SOX30: variants seen among roughly 807,000 people sequenced by gnomAD.
SOX30 encodes transcription factor SOX-30.
SOX30 carries 17 observed loss-of-function variants against 58.6 expected under a neutral mutation model. The observed-to-expected ratio is 0.29, with a 90% CI of 0.20 to 0.44. SOX30 has a LOEUF of 0.44. SOX30 is among the 20% of genes least tolerant of loss of function. SOX30 has a pLI of 1.00. For missense variants in SOX30, 951 were observed against 965.8 expected (o/e 0.98, Z 0.20); for synonymous variants, 421 against 400.2 (o/e 1.05, Z -0.62).
At chr5:157,669,797 G>C (rs553498003) in intron 1 of SOX30, among the ~76,000 whole-genome samples, 1 of 152,146 alleles carries the variant, frequency 6.6e-6, no homozygotes, top group Admixed American at 6.6e-5. Flanking sequence ...GGGATTACAG[G>C]CATGAGCCAC....
intron 4 of SOX30, among the ~76,000 whole-genome samples, chr5:157,630,191 G>A (rs11949045): frequency 0.095 from 14,416 of 152,134 alleles, 1,872 homozygotes; most frequent in African/African-American, 0.29. Flanking sequence ...GTGAAACACT[G>A]TTCTCCTGGT....
At position 157,651,848 on chromosome 5, in the gene SOX30, C is replaced by A; in HGVS notation, c.231G>T (p.Gln77His). Residue 77 changes from glutamine to histidine, a missense_variant, in exon 1 of 5, where the codon CAG becomes CAT. By Grantham distance (24) the Gln-to-His change is conservative. This residue lies in a region of SOX30 where 363 missense variants were observed against 294.5 expected (regional missense o/e 1.23). Coordinates refer to ENST00000265007, the MANE Select transcript of SOX30 (RefSeq NM_178424.2). ...VRRLLQVKPEQVLLLPQPQAQ... is the reference protein window; with the variant it reads ...VRRLLQVKPEHVLLLPQPQAQ... ...CCTGAGGCTGTGGTAGCAGCAACAC[C>A]TGCTCTGGCTTCACCTGCAGCAGCC... is the stretch of plus-strand genomic sequence containing the variant. The A allele has an allele frequency of 1.3e-6, 2 of 1,581,718 alleles. No homozygotes were observed. Among genetic ancestry groups the A allele is most frequent in the African/African-American group, 1.3e-5 (1 of 74,550 alleles).
Position 157,651,377 on chromosome 5 carries a change from G to A in SOX30, c.702C>T (p.Gly234=), listed in dbSNP as rs376465479. 6.2e-7 allele frequency: 1 copy of A among 1,613,548 alleles called. No individual in the cohort carries two copies. The highest frequency in any genetic ancestry group is 1.7e-5 in the Admixed American group (1 of 60,018). ...CRLGAEPASN[G]LVHGSAEVIL... ...TGACCTCCGCGCTGCCATGAACCAG[G>A]CCATTGGACGCGGGCTCCGCGCCGA... The change falls in exon 1 of 5, where the codon GGC becomes GGT. Residue 234 remains glycine, a synonymous_variant. Coordinates refer to ENST00000265007, the MANE Select transcript of SOX30 (RefSeq NM_178424.2).
At position 157,626,628 on chromosome 5, in the gene SOX30, T is replaced by C; in HGVS notation, c.1974A>G (p.Lys658=). ...CLSYYEDRYP[K]HEGIFSTLNR... ...TTAAAGTTGAAAAGATACCCTCATGTTTTGGGTACCTGTCTTCATAATAAC... is the reference window on the plus strand; with the variant it reads ...TTAAAGTTGAAAAGATACCCTCATGCTTTGGGTACCTGTCTTCATAATAAC... The change falls in exon 5 of 5, where the codon AAA becomes AAG. Residue 658 remains lysine, a synonymous_variant. Transcript: ENST00000265007. 1 of 1,614,078 alleles carries C rather than the reference T, an allele frequency of 6.2e-7. No homozygotes were observed. The highest frequency in any genetic ancestry group is 8.5e-7 in the Non-Finnish European group (1 of 1,179,972).
chr5:157,638,210 G>GAA lies in SOX30; in HGVS notation c.1880+18_1880+19dup. ...CATTAGCTGAATGTTTAGGTAAAAG[G>GAA]AAAAAAAATGTTAATTTACCTTGAT... On this transcript the variant is annotated intron_variant, in intron 4 of 4. Coordinates refer to ENST00000265007, the MANE Select transcript of SOX30 (RefSeq NM_178424.2). 1 of 1,506,608 alleles carries GAA rather than the reference G, an allele frequency of 6.6e-7. No individual in the cohort carries two copies. Among genetic ancestry groups the GAA allele is most frequent in the Non-Finnish European group, 8.9e-7 (1 of 1,127,384 alleles). 93.3% of individuals were successfully genotyped at this position (1,506,608 alleles called of 1,614,324 possible). A position where few individuals can be genotyped will look rare whatever the true frequency, so the allele number is the denominator to read the frequency against.
chr5:157,632,322 G>C (rs1225368630), intron 4 of SOX30, among the ~76,000 whole-genome samples: 1 of 152,174 alleles, frequency 6.6e-6, no homozygotes, highest in African/African-American at 2.4e-5. Flanking sequence ...ATACTCAAGA[G>C]GGACCCTACA....
At chr5:157,659,041 A>G (rs1469548168) in intron 2 of SOX30, among the ~76,000 whole-genome samples, 2 of 152,230 alleles carry the variant, frequency 1.3e-5, no homozygotes, top group East Asian at 1.9e-4. Flanking sequence ...CCATGGCAAC[A>G]TCAGGACATT....
intron 2 of SOX30, among the ~76,000 whole-genome samples, chr5:157,665,393 A>G (rs1287504907): frequency 6.6e-6 from 1 of 152,166 alleles, no homozygotes; most frequent in African/African-American, 2.4e-5. Flanking sequence ...GTGGGAATTG[A>G]ATAATGAGAA....
chr5:157,649,752 G>A (rs941236098), intron 1 of SOX30, among the ~76,000 whole-genome samples: 15 of 152,050 alleles, frequency 9.9e-5, no homozygotes, highest in African/African-American at 2.9e-4. Flanking sequence ...ATCACGCCAC[G>A]GTACTCCAGA....
At chr5:157,650,071 T>C (rs1339828510) in intron 1 of SOX30, among the ~76,000 whole-genome samples, 1 of 152,198 alleles carries the variant, frequency 6.6e-6, no homozygotes, top group Non-Finnish European at 1.5e-5. Flanking sequence ...ACAGAGCCAG[T>C]TGAAATTTCA....
chr5:157,632,047 T>TAAAAAAAAAAAAA (rs570172679), intron 4 of SOX30, among the ~76,000 whole-genome samples: 841 of 56,398 alleles, frequency 0.015, 68 homozygotes, highest in African/African-American at 0.03. Context: ...ACCCCGTAAC[T>TAAAAAAAAAAAAA]AAAAAAAAAA....
chr5:157,671,024 T>C (rs545567379), intron 1 of SOX30, among the ~76,000 whole-genome samples: 1 of 152,276 alleles, frequency 6.6e-6, no homozygotes, highest in East Asian at 1.9e-4. Flanking sequence ...CTTCGCCTGC[T>C]CGGTGTCAAG....
intron 4 of SOX30, among the ~76,000 whole-genome samples, chr5:157,635,852 TATGA>T: frequency 6.6e-6 from 1 of 152,194 alleles, no homozygotes; most frequent in South Asian, 2.1e-4. Context: ...ATTTTTTCCA[TATGA>T]TTCTCTGCTA....
At chr5:157,668,479 T>G (rs1759709692) in intron 1 of SOX30, among the ~76,000 whole-genome samples, 1 of 152,042 alleles carries the variant, frequency 6.6e-6, no homozygotes, top group Non-Finnish European at 1.5e-5. Context: ...ATCTGTCTCA[T>G]CCATCCATCC....
intron 4 of SOX30, among the ~76,000 whole-genome samples, chr5:157,627,311 C>T (rs895509126): frequency 2.6e-5 from 4 of 151,976 alleles, no homozygotes; most frequent in Non-Finnish European, 2.9e-5. Flanking sequence ...TGCAGTGAGC[C>T]GAGACTGCGC....
intron 4 of SOX30, among the ~76,000 whole-genome samples, chr5:157,629,688 G>A (rs1185087122): frequency 6.6e-6 from 1 of 152,200 alleles, no homozygotes; most frequent in African/African-American, 2.4e-5. Flanking sequence ...TGGCCAAGGA[G>A]TGTATATGTT....
chr5:157,662,357 G>T (rs1281348881), intron 2 of SOX30, among the ~76,000 whole-genome samples: 2 of 151,984 alleles, frequency 1.3e-5, no homozygotes, highest in African/African-American at 4.8e-5. Context: ...GATTTCTGCT[G>T]TGGTCTTTAG....
intron 3 of SOX30, among the ~76,000 whole-genome samples, chr5:157,640,583 A>C (rs1038491664): frequency 1.3e-5 from 2 of 152,252 alleles, no homozygotes; most frequent in East Asian, 3.9e-4. Context: ...TGAAAAAACT[A>C]AGATAAGCAG....
At position 157,652,314 on chromosome 5, in the gene SOX30, C is replaced by T. The variant is rs1759377997; in HGVS notation, c.-236G>A. 7.4e-6 allele frequency: 9 copies of T among 1,221,458 alleles called. No homozygotes were observed. The South Asian group carries it at 2.9e-4, about 39-fold the overall frequency. 75.7% of individuals were successfully genotyped at this position (1,221,458 alleles called of 1,614,324 possible). A position where few individuals can be genotyped will look rare whatever the true frequency, so the allele number is the denominator to read the frequency against. ...TCCCTACTCTCGCCTCGTGCTGAGTCCTCGAATCACCTGCCATGGTAGGAG... is the reference window on the plus strand; with the variant it reads ...TCCCTACTCTCGCCTCGTGCTGAGTTCTCGAATCACCTGCCATGGTAGGAG... On this transcript the variant is annotated 5_prime_UTR_variant, in exon 1 of 5. Transcript: ENST00000265007.
Sources: allele counts gnomAD v4.1 joint callset (sites outside exome capture counted in the v4.1 genomes callset), GRCh38; gene constraint gnomAD v4.1.1; regional missense constraint gnomAD v4.1.1; transcripts MANE v1.5; gene names NCBI Gene and HGNC (gene_info 2026-07-23, HGNC 2026-07-21).